The following LHFPL2 variants were observed in gnomAD, a reference collection of about 807,000 sequenced individuals.
The protein encoded by LHFPL2 is LHFPL tetraspan subfamily member 2 protein.
A neutral mutation model predicts 17.5 loss-of-function variants in LHFPL2; 7 were observed. The ratio of observed to expected loss-of-function variants is 0.40; its 90% CI spans 0.23 to 0.75. The LOEUF is 0.75. Among genes scored for constraint, LHFPL2 ranks in the 30% least tolerant of loss-of-function variants. The pLI is 0.37. For missense variants in LHFPL2, 241 were observed against 294.8 expected (o/e 0.82, Z 1.34); for synonymous variants, 134 against 116.2 (o/e 1.15, Z -0.99).
In LHFPL2 at chr5:78,614,566, AT is replaced by A. The variant is rs958496455; in HGVS notation, c.-245+17697del. Among the ~76,000 whole-genome samples, 58 of 152,316 alleles carry A rather than the reference AT, an allele frequency of 3.8e-4. 1 individual carries two copies. The highest frequency in any genetic ancestry group is 1.3e-3 in the African/African-American group (55 of 41,574). On this transcript the variant is annotated intron_variant, in intron 2 of 4. Coordinates refer to ENST00000380345, the MANE Select transcript of LHFPL2 (RefSeq NM_005779.3). ...TATTACTACATGCCAGACTCTACCC[AT>A]TTTATTGTTAAGTCTTTAGGAAACA... is the stretch of plus-strand genomic sequence containing the variant.
At chr5:78,574,261 A>C (rs1248496564) in intron 2 of LHFPL2, among the ~76,000 whole-genome samples, 1 of 152,156 alleles carries the variant, frequency 6.6e-6, no homozygotes, top group Non-Finnish European at 1.5e-5. Context: ...AGACGTGGGG[A>C]GGGTGCCCTC....
At chr5:78,546,137 T>C (rs1363267590) in intron 3 of LHFPL2, among the ~76,000 whole-genome samples, 1 of 152,246 alleles carries the variant, frequency 6.6e-6, no homozygotes, top group African/African-American at 2.4e-5. Context: ...TTCAGGGCTG[T>C]ACATGTCTGC....
intron 3 of LHFPL2, among the ~76,000 whole-genome samples, chr5:78,528,792 G>A (rs534015298): frequency 4.6e-5 from 7 of 152,302 alleles, no homozygotes; most frequent in Non-Finnish European, 1.0e-4. Context: ...CCATTTAAGT[G>A]TATCAATAAA....
intron 2 of LHFPL2, among the ~76,000 whole-genome samples, chr5:78,582,591 C>T (rs1298010482): frequency 1.6e-4 from 24 of 151,392 alleles, no homozygotes; most frequent in South Asian, 2.1e-4. Flanking sequence ...TGTAGTTGAG[C>T]GGTTTTGAGT....
chr5:78,510,484 G>A (rs1302145624), intron 3 of LHFPL2, 86 bp from the exon 4 acceptor site: 6 of 453,542 alleles, frequency 1.3e-5, no homozygotes, highest in South Asian at 6.8e-5. Context: ...AGTCCGGCCC[G>A]TGCCCGCAGA....
At chr5:78,637,551 T>A (rs1022291880) in intron 1 of LHFPL2, among the ~76,000 whole-genome samples, 17 of 152,186 alleles carry the variant, frequency 1.1e-4, no homozygotes, top group Non-Finnish European at 1.9e-4. Context: ...CGCAGTCTCA[T>A]CCTGATAGAG....
chr5:78,637,235 G>A (rs1275370303), intron 1 of LHFPL2, among the ~76,000 whole-genome samples: 17 of 152,162 alleles, frequency 1.1e-4, no homozygotes, highest in Admixed American at 8.5e-4. Flanking sequence ...GAAACAATAG[G>A]CAACCTTTTA....
At chr5:78,548,434 C>A (rs1214901384) in intron 3 of LHFPL2, among the ~76,000 whole-genome samples, 2 of 152,198 alleles carry the variant, frequency 1.3e-5, no homozygotes, top group Admixed American at 1.3e-4. Flanking sequence ...TGAAAACAGG[C>A]CCCCTGTGAC....
intron 2 of LHFPL2, among the ~76,000 whole-genome samples, chr5:78,570,336 C>T (rs905873071): frequency 2.6e-5 from 4 of 152,036 alleles, no homozygotes; most frequent in Non-Finnish European, 5.9e-5. Context: ...GCAGGAATTC[C>T]GGCATGAGAA....
intron 4 of LHFPL2, among the ~76,000 whole-genome samples, chr5:78,493,730 G>T (rs1754520778): frequency 6.6e-6 from 1 of 152,228 alleles, no homozygotes; most frequent in South Asian, 2.1e-4. Flanking sequence ...GATGTATCCT[G>T]TTCTAGGCCG....
chr5:78,569,388 T>C (rs1756938550), intron 2 of LHFPL2, among the ~76,000 whole-genome samples: 1 of 152,228 alleles, frequency 6.6e-6, no homozygotes, highest in Non-Finnish European at 1.5e-5. Flanking sequence ...GTCCACATTT[T>C]AAGGGGAGTC....
At chr5:78,611,217 C>A (rs1347615140) in intron 2 of LHFPL2, among the ~76,000 whole-genome samples, 1 of 152,200 alleles carries the variant, frequency 6.6e-6, no homozygotes, top group Non-Finnish European at 1.5e-5. Context: ...CAGTGCAGCA[C>A]GCGTCCCCAG....
intron 3 of LHFPL2, among the ~76,000 whole-genome samples, chr5:78,546,365 C>T (rs182036666): frequency 1.8e-4 from 27 of 152,328 alleles, no homozygotes; most frequent in Non-Finnish European, 2.2e-4. Context: ...GAGAGGGACA[C>T]GGCAGCAGTG....
chr5:78,539,380 G>C (rs1180789967), intron 3 of LHFPL2, among the ~76,000 whole-genome samples: 1 of 152,224 alleles, frequency 6.6e-6, no homozygotes, highest in Non-Finnish European at 1.5e-5. Flanking sequence ...AGTGAACGAA[G>C]TGAACCCCTC....
At chr5:78,500,542 T>C (rs1285095432) in intron 4 of LHFPL2, among the ~76,000 whole-genome samples, 1 of 152,136 alleles carries the variant, frequency 6.6e-6, no homozygotes, top group African/African-American at 2.4e-5. Context: ...TCTGGTTCTG[T>C]ACCCTACAAG....
intron 4 of LHFPL2, among the ~76,000 whole-genome samples, chr5:78,491,636 C>CTA (rs991804294): frequency 1.6e-4 from 24 of 152,334 alleles, no homozygotes; most frequent in Non-Finnish European, 2.1e-4. Context: ...AGAGCTCTGA[C>CTA]TTTAGAGTTT....
At chr5:78,492,783 A>G (rs1235604687) in intron 4 of LHFPL2, among the ~76,000 whole-genome samples, 1 of 152,244 alleles carries the variant, frequency 6.6e-6, no homozygotes, top group Non-Finnish European at 1.5e-5. Flanking sequence ...TGACAGAGTA[A>G]TACAAAGCGG....
At chr5:78,634,844 C>T (rs1252638070) in intron 1 of LHFPL2, among the ~76,000 whole-genome samples, 1 of 152,202 alleles carries the variant, frequency 6.6e-6, no homozygotes, top group Non-Finnish European at 1.5e-5. Flanking sequence ...TTCCTGAGTA[C>T]CATGCCCCCT....
At chr5:78,598,070 T>C (rs1340178466) in intron 2 of LHFPL2, among the ~76,000 whole-genome samples, 2 of 152,294 alleles carry the variant, frequency 1.3e-5, no homozygotes, top group Middle Eastern at 3.4e-3. Flanking sequence ...TAGTCATAGA[T>C]AGCAAATATA....
Sources: gnomAD v4.1 joint callset for allele counts (sites outside exome capture counted in the v4.1 genomes callset) on GRCh38, gnomAD v4.1.1 for gene constraint, MANE v1.5 for transcripts, NCBI Gene and HGNC (gene_info 2026-07-23, HGNC 2026-07-21) for gene names.